HLCS: variants seen among roughly 807,000 people sequenced by gnomAD.
The protein encoded by HLCS is holocarboxylase synthetase.
Under a neutral mutation model 75.0 loss-of-function variants are expected in HLCS, and 53 were observed. The ratio of observed to expected loss-of-function variants is 0.71; its 90% confidence interval spans 0.57 to 0.89. The LOEUF (loss-of-function observed/expected upper bound fraction) is 0.89, where lower values mean the gene tolerates loss of function less well. HLCS is among the 40% of genes least tolerant of loss of function. The pLI, the probability that HLCS is intolerant of heterozygous loss-of-function variation, is 0.00. For synonymous variants in HLCS, 431 were observed against 428.6 expected (o/e 1.01, Z -0.07); for missense variants, 966 against 1,074.0 (o/e 0.90, Z 1.41).
At chr21:36,894,138 G>A (rs1219764349) in intron 6 of HLCS, among the ~76,000 whole-genome samples, 1 of 152,068 alleles carries the variant, frequency 6.6e-6, no homozygotes, top group African/African-American at 2.4e-5. Context: ...CACCCCCTTT[G>A]CTCTCTTCCT....
In HLCS at chr21:36,823,901, A is replaced by G. The variant is rs577397449; in HGVS notation, c.1893-56616T>C. Among the ~76,000 whole-genome samples, 3 of 152,284 alleles carry G rather than the reference A, an allele frequency of 2.0e-5. No homozygotes were observed. In the South Asian group the frequency reaches 6.2e-4, roughly 32 times the overall value. ...GTTCTCTGAGCATCTAACCCTATAT[A>G]TAGCACCAAGAGAAACCAAACAGAG... On this transcript the variant is annotated intron_variant, in intron 6 of 10. Coordinates refer to ENST00000674895, the MANE Select transcript of HLCS (RefSeq NM_001352514.2).
In HLCS at chr21:36,866,856, T is replaced by A. The variant is rs1030595205; in HGVS notation, c.1892+30004A>T. Among the ~76,000 whole-genome samples the A allele has an allele frequency of 2.7e-4, 40 of 146,088 alleles. No homozygotes were observed. The South Asian group carries it at 6.6e-3, about 24-fold the overall frequency. ...ATTTGAGTAGTTTTTTTTTTTTTTT[T>A]TAAAGGTTCTGCTCTACTGAATCTA... is the stretch of plus-strand genomic sequence containing the variant. On this transcript the variant is annotated intron_variant, in intron 6 of 10. Transcript: ENST00000674895.
chr21:36,882,953 C>T (rs763534591), intron 6 of HLCS, among the ~76,000 whole-genome samples: 17 of 152,080 alleles, frequency 1.1e-4, no homozygotes, highest in African/African-American at 2.7e-4. Context: ...AATCCTTCTC[C>T]GCCAGGCAAT....
At chr21:36,870,107 A>G (rs1242386469) in intron 6 of HLCS, among the ~76,000 whole-genome samples, 1 of 152,180 alleles carries the variant, frequency 6.6e-6, no homozygotes, top group Non-Finnish European at 1.5e-5. Context: ...GACTTCAGAA[A>G]TTGACTCTGA....
chr21:36,756,731 C>T lies in HLCS; in HGVS notation c.2261G>A (p.Ser754Asn). Residue 754 changes from serine (S) to asparagine (N), a missense_variant, in exon 10 of 11, where the codon AGT (serine) becomes AAT (asparagine). Transcript: ENST00000674895. ...GTCGTTGATGCAGATGGTAGGGTTA[C>T]TGTTAGTCACATTAAATCCACAGCC... ...LIGCGFNVTNSNPTICINDLI... is the reference protein window; with the variant it reads ...LIGCGFNVTNNNPTICINDLI... The T allele has an allele frequency of 1.9e-6, 3 of 1,614,172 alleles. No individual in the cohort carries two copies. The highest frequency in any genetic ancestry group is 2.2e-5 in the South Asian group (2 of 91,086).
intron 6 of HLCS, among the ~76,000 whole-genome samples, chr21:36,812,322 T>C (rs992861463): frequency 6.6e-6 from 1 of 152,142 alleles, no homozygotes; most frequent in East Asian, 1.9e-4. Context: ...TACTATGGAA[T>C]TATCTGTAAT....
intron 6 of HLCS, among the ~76,000 whole-genome samples, chr21:36,825,410 A>G (rs142983566): frequency 1.3e-5 from 2 of 152,088 alleles, no homozygotes; most frequent in East Asian, 3.9e-4. Flanking sequence ...AATAATTGTT[A>G]TTATTATTGT....
Position 36,823,610 on chromosome 21 carries a change from G to GGTGTGTGTGTGTGTGTGTGTGTGTGT in HLCS, c.1893-56351_1893-56326dup, listed in dbSNP as rs59724760. On this transcript the variant is annotated intron_variant, in intron 6 of 10. Transcript: ENST00000674895. ...CCATTTACCAGCTTCAAACGTGCAGGGTGTGTGTGTGTGTGTGTGTGTGTG... is the reference window on the plus strand; with the variant it reads ...CCATTTACCAGCTTCAAACGTGCAGGGTGTGTGTGTGTGTGTGTGTGTGTGTGTGTGTGTGTGTGTGTGTGTGTGTG... Among the ~76,000 whole-genome samples, 557 of 132,798 alleles carry GGTGTGTGTGTGTGTGTGTGTGTGTGT rather than the reference G, an allele frequency of 4.2e-3. 5 individuals carry two copies. The highest frequency in any genetic ancestry group is 9.1e-3 in the African/African-American group (326 of 35,872). The allele number at this position is 132,798 out of a possible 152,430, so 87.1% of individuals were successfully genotyped here. A position where few individuals can be genotyped will look rare whatever the true frequency, so the allele number is the denominator to read the frequency against.
intron 6 of HLCS, among the ~76,000 whole-genome samples, chr21:36,825,273 G>A (rs1014954303): frequency 7.9e-5 from 12 of 152,054 alleles, no homozygotes; most frequent in African/African-American, 2.9e-4. Context: ...CTCTGGTCCT[G>A]GCTACTTGAG....
At chr21:36,855,536 TAAAA>T (rs71901243) in intron 6 of HLCS, among the ~76,000 whole-genome samples, 1 of 75,634 alleles carries the variant, frequency 1.3e-5, no homozygotes, top group Non-Finnish European at 2.7e-5. Flanking sequence ...AGACTCCATC[TAAAA>T]AAAAAAAAAA....
rs531240761 is a variant in HLCS at position 36,753,877 on chromosome 21, T to C, written c.*369A>G. ...GGGCGCAAGAGCATATTTTGGTTTG[T>C]TTTTTCATAGACTAGGGGTAAAGGT... On this transcript the variant is annotated 3_prime_UTR_variant, in exon 11 of 11. Transcript: ENST00000674895. The surrounding 1 kb of genome is among the most constrained non-coding windows in gnomAD (Gnocchi z 4.3). 39 of 343,454 alleles carry C rather than the reference T, an allele frequency of 1.1e-4. 2 individuals are homozygous for C. Among genetic ancestry groups the C allele is most frequent in the South Asian group, 9.8e-4 (38 of 38,812 alleles). 21.3% of individuals were successfully genotyped at this position (343,454 alleles called of 1,614,324 possible). A position where few individuals can be genotyped will look rare whatever the true frequency, so the allele number is the denominator to read the frequency against.
chr21:36,849,245 C>A (rs1219331465), intron 6 of HLCS, among the ~76,000 whole-genome samples: 3 of 152,202 alleles, frequency 2.0e-5, no homozygotes, highest in Non-Finnish European at 2.9e-5. Flanking sequence ...TGGAAAAGGC[C>A]TTTTTGTCTG....
At chr21:36,909,572 C>A (rs1164808774) in intron 5 of HLCS, among the ~76,000 whole-genome samples, 1 of 152,084 alleles carries the variant, frequency 6.6e-6, no homozygotes, top group South Asian at 2.1e-4. Flanking sequence ...GATCAGAAAC[C>A]CATGTTATAC....
chr21:36,933,551 C>CAA (rs66614497), intron 4 of HLCS, among the ~76,000 whole-genome samples: 19 of 84,012 alleles, frequency 2.3e-4, no homozygotes, highest in East Asian at 3.6e-4. Flanking sequence ...AACTCCGTCT[C>CAA]AAAAAAAAAA....
At chr21:36,820,098 T>C (rs2061782109) in intron 6 of HLCS, among the ~76,000 whole-genome samples, 1 of 151,876 alleles carries the variant, frequency 6.6e-6, no homozygotes, top group Admixed American at 6.6e-5. Flanking sequence ...CCTCCCTCAG[T>C]GAGAAGGTGG....
rs575290394 is a variant in HLCS, at chr21:36,862,904, T to C, written c.1892+33956A>G. 9.9e-5 allele frequency among the ~76,000 whole-genome samples: 15 copies of C among 151,932 alleles called. No homozygotes were observed. The South Asian group carries it at 3.1e-3, about 32-fold the overall frequency. ...CTGGATTATTCTTTCCACCAAGCCATGTTACGCCCCTAATTCAACACTTGT... is the reference window on the plus strand; with the variant it reads ...CTGGATTATTCTTTCCACCAAGCCACGTTACGCCCCTAATTCAACACTTGT... On this transcript the variant is annotated intron_variant, in intron 6 of 10. Coordinates refer to ENST00000674895, the MANE Select transcript of HLCS (RefSeq NM_001352514.2).
rs182293993 is a variant in HLCS, at chr21:36,935,731, C to T, written c.1437+718G>A. ...ACAAGGAATTCTGAAATAGTTTATC[C>T]GCTACCGTTTGCTTAAACAAACAAA... On this transcript the variant is annotated intron_variant, in intron 4 of 10. Transcript: ENST00000674895. Among the ~76,000 whole-genome samples, 269 of 152,244 alleles carry T rather than the reference C, an allele frequency of 1.8e-3. 2 individuals are homozygous for T. The highest frequency in any genetic ancestry group is 6.0e-3 in the African/African-American group (248 of 41,538).
In HLCS at chr21:36,844,908, A is replaced by T. The variant is rs530107046; in HGVS notation, c.1892+51952T>A. Among the ~76,000 whole-genome samples, 4 of 152,310 alleles carry T rather than the reference A, an allele frequency of 2.6e-5. No individual in the cohort carries two copies. The South Asian group carries it at 6.2e-4, about 24-fold the overall frequency. ...GTGGTGAAACAGATGTTGGAGACCTATTAAAGACGGGGTTTCAAACATCTG... is the reference window on the plus strand; with the variant it reads ...GTGGTGAAACAGATGTTGGAGACCTTTTAAAGACGGGGTTTCAAACATCTG... On this transcript the variant is annotated intron_variant, in intron 6 of 10. Coordinates refer to ENST00000674895, the MANE Select transcript of HLCS (RefSeq NM_001352514.2).
rs9647169 is a variant in HLCS, at chr21:36,842,569, A to G, written c.1892+54291T>C. On this transcript the variant is annotated intron_variant, in intron 6 of 10. Transcript: ENST00000674895. The surrounding 1 kb of genome is among the most constrained non-coding windows in gnomAD (Gnocchi z 4.2). ...AGCCTGGCCAACAATGCAAAACCTC[A>G]TTTCTACTAAAAATACAAAAGAAGT... is the stretch of plus-strand genomic sequence containing the variant. Among the ~76,000 whole-genome samples, 71,594 of 151,804 alleles carry G rather than the reference A, an allele frequency of 0.47. 19,557 individuals are homozygous for G. The highest frequency in any genetic ancestry group is 0.76 in the African/African-American group (31,330 of 41,386).
Sources: allele counts gnomAD v4.1 joint callset (sites outside exome capture counted in the v4.1 genomes callset), GRCh38; gene constraint gnomAD v4.1.1; non-coding constraint Gnocchi (gnomAD v3.1); transcripts MANE v1.5; gene names NCBI Gene and HGNC (gene_info 2026-07-23, HGNC 2026-07-21).